Variants in HECW1 observed in about 807,000 individuals in gnomAD.
HECW1 encodes E3 ubiquitin-protein ligase HECW1.
In HECW1, 61 loss-of-function variants were observed where a neutral mutation model predicts 182.3. The ratio of observed to expected loss-of-function variants is 0.33; its 90% CI spans 0.27 to 0.41. The LOEUF (loss-of-function observed/expected upper bound fraction) is 0.41. HECW1 is among the 10% of genes least tolerant of loss of function. The pLI is 1.00. For missense variants in HECW1, 1,739 were observed against 2,108.9 expected (o/e 0.82, Z 3.44); for synonymous variants, 859 against 832.6 (o/e 1.03, Z -0.55).
At chr7:43,488,396 AAGGAAAT>A (rs1563045305) in intron 17 of HECW1, among the ~76,000 whole-genome samples, 44 of 82,756 alleles carry the variant, frequency 5.3e-4, no homozygotes, top group African/African-American at 1.6e-3. Context: ...GGAAGGAAGG[AAGGAAAT>A]GAAAGAAAGA....
intron 6 of HECW1, among the ~76,000 whole-genome samples, chr7:43,361,496 C>T (rs1332632666): frequency 1.3e-5 from 2 of 152,130 alleles, no homozygotes; most frequent in African/African-American, 4.8e-5. Context: ...TAAATGAGGA[C>T]AGTGGCCAAG....
chr7:43,146,061 C>A (rs1788674236), intron 2 of HECW1, among the ~76,000 whole-genome samples: 1 of 152,188 alleles, frequency 6.6e-6, no homozygotes, highest in South Asian at 2.1e-4. Context: ...TTTGGTTTGG[C>A]TGATAGGAAA....
At chr7:43,227,848 T>G (rs980724836) in intron 2 of HECW1, among the ~76,000 whole-genome samples, 13 of 152,054 alleles carry the variant, frequency 8.5e-5, no homozygotes, top group African/African-American at 3.1e-4. Flanking sequence ...CAACTCAGAG[T>G]AAATTCTGGC....
At chr7:43,269,776 C>T (rs373253695) in intron 3 of HECW1, among the ~76,000 whole-genome samples, 5 of 152,098 alleles carry the variant, frequency 3.3e-5, no homozygotes, top group African/African-American at 1.2e-4. Flanking sequence ...AAGCTGGGGG[C>T]GGGAAGTGAG....
chr7:43,164,251 C>G (rs947367745), intron 2 of HECW1, among the ~76,000 whole-genome samples: 2 of 152,304 alleles, frequency 1.3e-5, no homozygotes, highest in East Asian at 3.9e-4. Flanking sequence ...GGAGGAAGGG[C>G]TCAGCCATTG....
In HECW1 at chr7:43,445,119, C is replaced by A; in HGVS notation, c.1947C>A (p.Asp649Glu). 6.2e-7 allele frequency: 1 copy of A among 1,608,416 alleles called. No individual in the cohort carries two copies. The highest frequency in any genetic ancestry group is 8.5e-7 in the Non-Finnish European group (1 of 1,178,676). Residue 649 changes from aspartate to glutamate, a missense_variant, in exon 11 of 30, where the codon GAC becomes GAA. By Grantham distance (45) the Asp-to-Glu change is conservative. Coordinates refer to ENST00000395891, the MANE Select transcript of HECW1 (RefSeq NM_015052.5). ...SLANGAAQDG[D>E]THPSTGSESD... ...CCAATGGCGCGGCCCAGGATGGCGA[C>A]ACGCACCCCAGCACCGGGAGCGAGA...
intron 3 of HECW1, among the ~76,000 whole-genome samples, chr7:43,287,058 G>A (rs891944627): frequency 6.6e-6 from 1 of 152,132 alleles, no homozygotes; most frequent in African/African-American, 2.4e-5. Flanking sequence ...TGGTGGGGAG[G>A]TACGTAGTAG....
At chr7:43,287,476 G>A (rs1047621587) in intron 3 of HECW1, among the ~76,000 whole-genome samples, 3 of 152,080 alleles carry the variant, frequency 2.0e-5, no homozygotes, top group Admixed American at 2.0e-4. Flanking sequence ...TTTGGCAGAG[G>A]GGATGTGATC....
In HECW1 at chr7:43,342,613, T is replaced by C. The variant is rs143818570; in HGVS notation, c.461-18273T>C. 2.1e-3 allele frequency among the ~76,000 whole-genome samples: 314 copies of C among 151,942 alleles called. 13 individuals are homozygous for C. The highest frequency in any genetic ancestry group is 7.0e-3 in the African/African-American group (287 of 41,212). On this transcript the variant is annotated intron_variant, in intron 5 of 29. Transcript: ENST00000395891. ...CTAGATAACTCTTGAGGCTAACTCT[T>C]ACAGAGTAATTATAGCTTTTTTGGT...
At chr7:43,539,101 A>C (rs890133306) in intron 24 of HECW1, among the ~76,000 whole-genome samples, 2 of 152,220 alleles carry the variant, frequency 1.3e-5, no homozygotes, top group Non-Finnish European at 2.9e-5. Context: ...TTAATACTGA[A>C]CTATCCTTAT....
At position 43,538,209 on chromosome 7, in the gene HECW1, T is replaced by C. The variant is rs762145789; in HGVS notation, c.4020-2954T>C. ...TCTGGTATGTAAACCACAGGAGGTGTTGGCAGTGAGAGAGGAGAAATGAGC... is the reference window on the plus strand; with the variant it reads ...TCTGGTATGTAAACCACAGGAGGTGCTGGCAGTGAGAGAGGAGAAATGAGC... On this transcript the variant is annotated intron_variant, in intron 24 of 29. Transcript: ENST00000395891. Among the ~76,000 whole-genome samples, 42 of 152,202 alleles carry C rather than the reference T, an allele frequency of 2.8e-4. No homozygotes were observed. In the Middle Eastern group the frequency reaches 0.014, roughly 49 times the overall value.
chr7:43,320,663 C>T lies in HECW1; in HGVS notation c.381C>T (p.Asp127=). The T allele has an allele frequency of 1.2e-6, 2 of 1,614,080 alleles. No individual in the cohort carries two copies. Among genetic ancestry groups the T allele is most frequent in the Non-Finnish European group, 1.7e-6 (2 of 1,179,912 alleles). ...AGGTCTTGTCCGAAAACTTTCTGGA[C>T]TATAAAAACCGTGGAGTCAATGGTT... ...IDEVLSENFL[D]YKNRGVNGSH... The change falls in exon 5 of 30, where the codon GAC becomes GAT. Residue 127 remains aspartate, a synonymous_variant. Transcript: ENST00000395891.
In HECW1 at chr7:43,195,286, A is replaced by G. The variant is rs565851550; in HGVS notation, c.-31-48589A>G. ...GAATATAAACTTCGCAAAGCTGTGC[A>G]CTGCACTGTGTGTGAGGTCGCACAG... On this transcript the variant is annotated intron_variant, in intron 2 of 29. Coordinates refer to ENST00000395891, the MANE Select transcript of HECW1 (RefSeq NM_015052.5). 1.7e-3 allele frequency among the ~76,000 whole-genome samples: 257 copies of G among 152,322 alleles called. 2 individuals are homozygous for G. The highest frequency in any genetic ancestry group is 8.5e-4 in the Non-Finnish European group (58 of 68,024).
intron 2 of HECW1, among the ~76,000 whole-genome samples, chr7:43,144,027 G>C (rs1239306828): frequency 1.3e-5 from 2 of 152,146 alleles, no homozygotes; most frequent in African/African-American, 4.8e-5. Context: ...CAGCAAGTCT[G>C]GCATGTTCCA....
intron 2 of HECW1, among the ~76,000 whole-genome samples, chr7:43,210,252 G>A (rs568335183): frequency 2.0e-5 from 3 of 152,220 alleles, no homozygotes; most frequent in South Asian, 4.2e-4. Flanking sequence ...TGTTGTCACT[G>A]CCCAAAACGA....
rs142809782 is a variant in HECW1 at position 43,401,945 on chromosome 7, G to A, written c.631+5056G>A. On this transcript the variant is annotated intron_variant, in intron 7 of 29. Transcript: ENST00000395891. ...GAGCAGAGCAACAGAAGAGTGGCAC[G>A]GCAGAGAAGGAGAGAAGAGAAGGAG... 2.0e-5 allele frequency among the ~76,000 whole-genome samples: 3 copies of A among 151,992 alleles called. No homozygotes were observed. The East Asian group carries it at 5.8e-4, about 30-fold the overall frequency.
chr7:43,308,192 T>G (rs1807956863), intron 3 of HECW1, among the ~76,000 whole-genome samples: 1 of 100,370 alleles, frequency 1.0e-5, no homozygotes, highest in Non-Finnish European at 1.8e-5. Flanking sequence ...TATTATAATA[T>G]ATTTATATAT....
At chr7:43,274,230 C>A in intron 3 of HECW1, 1 of 609,058 alleles carries the variant, frequency 1.6e-6, no homozygotes, top group South Asian at 2.3e-5. Flanking sequence ...ATGCCACACA[C>A]TGCCCCTCTA....
chr7:43,256,680 A>G (rs575298446), intron 3 of HECW1, among the ~76,000 whole-genome samples: 3 of 152,188 alleles, frequency 2.0e-5, no homozygotes, highest in South Asian at 4.2e-4. Context: ...TCATGGTGAA[A>G]TACTGGAATA....
Sources: gnomAD v4.1 joint callset for allele counts (sites outside exome capture counted in the v4.1 genomes callset) on GRCh38, gnomAD v4.1.1 for gene constraint, MANE v1.5 for transcripts, NCBI Gene and HGNC (gene_info 2026-07-23, HGNC 2026-07-21) for gene names.